Variants in XKR4 observed in about 807,000 individuals in gnomAD.
XKR4 encodes the protein XK related 4.
In XKR4, 12 loss-of-function variants were observed where a neutral mutation model predicts 53.9. The observed-to-expected ratio is 0.22, with a 90% CI of 0.14 to 0.36. XKR4 has a LOEUF of 0.36. Ranked by LOEUF, XKR4 falls within the 10% of genes least tolerant of loss-of-function variation. The pLI is 1.00. For synonymous variants in XKR4, 354 were observed against 362.4 expected (o/e 0.98, Z 0.26); for missense variants, 799 against 859.5 (o/e 0.93, Z 0.88).
intron 2 of XKR4, among the ~76,000 whole-genome samples, chr8:55,402,687 C>T (rs1563341643): frequency 6.6e-6 from 1 of 152,190 alleles, no homozygotes; most frequent in Non-Finnish European, 1.5e-5. Flanking sequence ...TGGGGCAAAA[C>T]TGTGGGCACT....
intron 1 of XKR4, among the ~76,000 whole-genome samples, chr8:55,167,194 G>A (rs934848641): frequency 6.6e-6 from 1 of 152,200 alleles, no homozygotes; most frequent in Non-Finnish European, 1.5e-5. Context: ...TTAATGTGAA[G>A]GGGAAGACTC....
intron 1 of XKR4, among the ~76,000 whole-genome samples, chr8:55,345,025 A>G (rs1803614700): frequency 6.6e-6 from 1 of 152,166 alleles, no homozygotes; most frequent in Non-Finnish European, 1.5e-5. Context: ...CAAGGTGGGC[A>G]GATCACAGCA....
intron 1 of XKR4, among the ~76,000 whole-genome samples, chr8:55,243,917 C>A (rs1451233902): frequency 1.3e-5 from 2 of 152,188 alleles, no homozygotes; most frequent in Non-Finnish European, 1.5e-5. Context: ...ACCTGCCGCA[C>A]ACAATAAACA....
intron 2 of XKR4, among the ~76,000 whole-genome samples, chr8:55,507,655 A>G (rs1466434823): frequency 5.9e-5 from 9 of 152,074 alleles, no homozygotes; most frequent in Admixed American, 1.3e-4. Flanking sequence ...AGTTTCATCC[A>G]TGTCCCTGCA....
At chr8:55,346,293 C>T (rs1451255483) in intron 1 of XKR4, among the ~76,000 whole-genome samples, 1 of 152,018 alleles carries the variant, frequency 6.6e-6, no homozygotes, top group Non-Finnish European at 1.5e-5. Context: ...ACCATGTTGG[C>T]CAGGATATTC....
intron 2 of XKR4, among the ~76,000 whole-genome samples, chr8:55,473,655 C>A (rs1805926561): frequency 6.6e-6 from 1 of 152,024 alleles, no homozygotes; most frequent in South Asian, 2.1e-4. Flanking sequence ...TGTCTTAGTT[C>A]TAAAAGAAAC....
At chr8:55,466,502 G>T (rs894491798) in intron 2 of XKR4, among the ~76,000 whole-genome samples, 12 of 152,042 alleles carry the variant, frequency 7.9e-5, no homozygotes, top group Non-Finnish European at 1.2e-4. Flanking sequence ...GGGGGAGGGG[G>T]AAGGGATAGC....
At chr8:55,438,974 T>A (rs866684146) in intron 2 of XKR4, among the ~76,000 whole-genome samples, 2 of 151,994 alleles carry the variant, frequency 1.3e-5, no homozygotes, top group African/African-American at 4.8e-5. Flanking sequence ...AGCCAGAACC[T>A]CAAAGTGTGG....
intron 1 of XKR4, among the ~76,000 whole-genome samples, chr8:55,113,832 A>G (rs1306765192): frequency 9.2e-5 from 14 of 151,800 alleles, no homozygotes; most frequent in Admixed American, 5.2e-4. Flanking sequence ...GTGTTTTTTG[A>G]CTTTCTGTTT....
intron 1 of XKR4, among the ~76,000 whole-genome samples, chr8:55,261,289 T>C (rs1818521765): frequency 6.6e-6 from 1 of 152,178 alleles, no homozygotes; most frequent in Admixed American, 6.5e-5. Flanking sequence ...TCAGACAAGA[T>C]ACCCCCAAAT....
rs546076630 is a variant in XKR4 at position 55,151,711 on chromosome 8, G to A, written c.806+48417G>A. Among the ~76,000 whole-genome samples, 5 of 152,256 alleles carry A rather than the reference G, an allele frequency of 3.3e-5. No homozygotes were observed. The East Asian group carries it at 7.7e-4, about 23-fold the overall frequency. On this transcript the variant is annotated intron_variant, in intron 1 of 2. Transcript: ENST00000327381. ...CTCCCCTCACTATCAATAATTTTGT[G>A]TATTTCTATTGAAATGCAGAGACAG...
At chr8:55,218,913 A>G (rs1179715716) in intron 1 of XKR4, among the ~76,000 whole-genome samples, 5 of 152,088 alleles carry the variant, frequency 3.3e-5, no homozygotes, top group African/African-American at 1.2e-4. Context: ...CGCACACAAG[A>G]GCAGGCATTT....
chr8:55,357,654 T>C (rs1563331802), intron 1 of XKR4, 24 bp from the exon 2 acceptor site: 4 of 1,612,656 alleles, frequency 2.5e-6, no homozygotes, highest in Non-Finnish European at 3.4e-6. Flanking sequence ...CATCTCTTTC[T>C]TATTCTCCAT....
chr8:55,449,068 T>C (rs1805384324), intron 2 of XKR4, among the ~76,000 whole-genome samples: 1 of 145,504 alleles, frequency 6.9e-6, no homozygotes, highest in Non-Finnish European at 1.5e-5. Context: ...ATTAAGAGAT[T>C]AGCAAATCCT....
chr8:55,403,788 C>T (rs533631571), intron 2 of XKR4, among the ~76,000 whole-genome samples: 41 of 152,318 alleles, frequency 2.7e-4, no homozygotes, highest in African/African-American at 9.6e-4. Flanking sequence ...TCCCTCTCTC[C>T]CTCACTTATT....
intron 1 of XKR4, among the ~76,000 whole-genome samples, chr8:55,317,811 A>T (rs978231911): frequency 1.3e-5 from 2 of 152,234 alleles, no homozygotes; most frequent in Admixed American, 6.5e-5. Flanking sequence ...GATGATTGGC[A>T]TAGGGGTCCT....
intron 2 of XKR4, among the ~76,000 whole-genome samples, chr8:55,459,560 T>A (rs1259417377): frequency 6.6e-6 from 1 of 152,068 alleles, no homozygotes; most frequent in Admixed American, 6.6e-5. Context: ...AATATATCAA[T>A]AACTCTTACA....
At chr8:55,207,753 A>C (rs898773420) in intron 1 of XKR4, among the ~76,000 whole-genome samples, 8 of 152,136 alleles carry the variant, frequency 5.3e-5, no homozygotes, top group African/African-American at 1.9e-4. Flanking sequence ...GAAGAAAAAG[A>C]GGAATACAGG....
intron 1 of XKR4, among the ~76,000 whole-genome samples, chr8:55,294,369 A>G (rs554231431): frequency 5.3e-5 from 8 of 152,282 alleles, no homozygotes; most frequent in Admixed American, 2.6e-4. Flanking sequence ...CCTTCATGAC[A>G]TTATCACTTC....
Sources: allele counts gnomAD v4.1 joint callset (sites outside exome capture counted in the v4.1 genomes callset), GRCh38; gene constraint gnomAD v4.1.1; transcripts MANE v1.5; gene names NCBI Gene and HGNC (gene_info 2026-07-23, HGNC 2026-07-21).